PAPPA2: variants seen among roughly 807,000 people sequenced by gnomAD.
PAPPA2 encodes pappalysin 2, also known as pappalysin-2.
A neutral mutation model predicts 176.4 loss-of-function variants in PAPPA2; 86 were observed. The observed-to-expected ratio is 0.49, with a 90% CI of 0.41 to 0.58. PAPPA2 has a LOEUF of 0.58. PAPPA2 is among the 20% of genes least tolerant of loss of function. The probability of loss-of-function intolerance (pLI) is 0.00; values close to 1 mark genes in which losing one functional copy is unlikely to be tolerated. For synonymous variants in PAPPA2, 809 were observed against 852.2 expected (o/e 0.95, Z 0.88); for missense variants, 2,073 against 2,256.9 (o/e 0.92, Z 1.65).
chr1:176,562,451 A>T (rs1033997176), intron 2 of PAPPA2, among the ~76,000 whole-genome samples: 1 of 152,162 alleles, frequency 6.6e-6, no homozygotes, highest in African/African-American at 2.4e-5. Context: ...ACAAATCTAT[A>T]CTTTTCCCAG....
rs563606602 is a variant in PAPPA2, at chr1:176,806,208, T to C, written c.5202+6076T>C. Among the ~76,000 whole-genome samples the C allele has an allele frequency of 1.1e-4, 16 of 152,308 alleles. No individual in the cohort carries two copies. In the South Asian group the frequency reaches 1.2e-3, roughly 12 times the overall value. On this transcript the variant is annotated intron_variant, in intron 21 of 22. Transcript: ENST00000367662. Reference sequence around the variant, plus strand: ...TCTCTAAATTCAATGCATACCTTTGTAGATGCCTATTGTCTCATCTATCAC... The same window carrying C: ...TCTCTAAATTCAATGCATACCTTTGCAGATGCCTATTGTCTCATCTATCAC...
rs573550950 is a variant in PAPPA2, at chr1:176,768,815, C to T, written c.4324-792C>T. 3.3e-5 allele frequency among the ~76,000 whole-genome samples: 5 copies of T among 152,240 alleles called. No individual in the cohort carries two copies. In the South Asian group the frequency reaches 1.0e-3, roughly 32 times the overall value. Reference sequence around the variant, plus strand: ...GGCTAGAATCTCTCACATTTAACCACAAGGTTTGGAAGATGCCTTGTATGC... The same window carrying T: ...GGCTAGAATCTCTCACATTTAACCATAAGGTTTGGAAGATGCCTTGTATGC... On this transcript the variant is annotated intron_variant, in intron 15 of 22. Coordinates refer to ENST00000367662, the MANE Select transcript of PAPPA2 (RefSeq NM_020318.3).
intron 14 of PAPPA2, among the ~76,000 whole-genome samples, chr1:176,745,823 G>T (rs1662881929): frequency 6.6e-6 from 1 of 152,178 alleles, no homozygotes; most frequent in East Asian, 1.9e-4. Flanking sequence ...GAATGGGGCT[G>T]GTAGTCAGAA....
chr1:176,465,576 A>G (rs1352583179), intron 1 of PAPPA2, among the ~76,000 whole-genome samples: 2 of 151,784 alleles, frequency 1.3e-5, no homozygotes, highest in African/African-American at 4.8e-5. Context: ...TTTAATACAA[A>G]GTTACCTTTT....
intron 17 of PAPPA2, among the ~76,000 whole-genome samples, chr1:176,789,082 A>G (rs947734663): frequency 2.0e-5 from 3 of 152,194 alleles, no homozygotes; most frequent in Non-Finnish European, 4.4e-5. Flanking sequence ...TCCAAGATGA[A>G]GATCTCAGAG....
chr1:176,771,090 T>C lies in PAPPA2; in HGVS notation c.4625T>C (p.Leu1542Pro). The C allele has an allele frequency of 6.2e-7, 1 of 1,614,118 alleles. No homozygotes were observed. Among genetic ancestry groups the C allele is most frequent in the Non-Finnish European group, 8.5e-7 (1 of 1,180,008 alleles). ...GCCAACTTGCTCCTGCCTCACTGCC[T>C]CCAGGACAACCACGACGTGGGCACC... ...LNANLLLPHC[L>P]QDNHDVGTIC... The change falls in exon 17 of 23, where the codon CTC (leucine) becomes CCC (proline). Residue 1542 changes from leucine (L) to proline (P), a missense_variant. Around this residue, in one of 4 missense-constraint regions of PAPPA2, gnomAD observed 846 missense variants for 857.9 expected, o/e 0.99. Transcript: ENST00000367662.
chr1:176,574,462 C>A (rs1164547345), intron 2 of PAPPA2, among the ~76,000 whole-genome samples: 14 of 151,998 alleles, frequency 9.2e-5, no homozygotes, highest in Admixed American at 6.6e-5. Context: ...TCTAGCCCCA[C>A]CATTTGATTT....
intron 12 of PAPPA2, among the ~76,000 whole-genome samples, chr1:176,726,259 C>G (rs545188514): frequency 6.6e-6 from 1 of 152,302 alleles, no homozygotes; most frequent in Admixed American, 6.5e-5. Context: ...CTCCTGAGCC[C>G]CAGGTGGTAT....
chr1:176,800,666 C>T (rs538440882), intron 21 of PAPPA2, among the ~76,000 whole-genome samples: 2 of 152,234 alleles, frequency 1.3e-5, no homozygotes, highest in East Asian at 1.9e-4. Flanking sequence ...AGCTGGCAAC[C>T]GTGATGACAA....
At chr1:176,657,601 G>T (rs1289302499) in intron 3 of PAPPA2, among the ~76,000 whole-genome samples, 1 of 152,004 alleles carries the variant, frequency 6.6e-6, no homozygotes, top group Non-Finnish European at 1.5e-5. Context: ...ATTGAATGTG[G>T]TGTAGTCAGG....
intron 2 of PAPPA2, among the ~76,000 whole-genome samples, chr1:176,560,504 T>A (rs2102597220): frequency 6.6e-6 from 1 of 152,244 alleles, no homozygotes; most frequent in Admixed American, 6.5e-5. Context: ...AACCAAGGTG[T>A]AGGAGAGGAC....
chr1:176,710,840 G>T (rs1023823358), intron 11 of PAPPA2, among the ~76,000 whole-genome samples: 8 of 152,140 alleles, frequency 5.3e-5, no homozygotes, highest in Non-Finnish European at 1.2e-4. Context: ...TGAGGAGCCA[G>T]CTAAGGTTGA....
intron 2 of PAPPA2, among the ~76,000 whole-genome samples, chr1:176,591,189 C>T (rs1241196152): frequency 1.3e-5 from 2 of 151,856 alleles, no homozygotes; most frequent in African/African-American, 4.8e-5. Flanking sequence ...TCTGAGGACT[C>T]TTATAATGAA....
At chr1:176,827,130 T>C (rs991612876) in intron 21 of PAPPA2, among the ~76,000 whole-genome samples, 1 of 152,258 alleles carries the variant, frequency 6.6e-6, no homozygotes, top group Non-Finnish European at 1.5e-5. Context: ...TTCCATATTA[T>C]GGACAGCCAG....
chr1:176,587,346 TG>T (rs1168988082), intron 2 of PAPPA2, among the ~76,000 whole-genome samples: 1 of 152,198 alleles, frequency 6.6e-6, no homozygotes, highest in Non-Finnish European at 1.5e-5. Flanking sequence ...TTGCCATTTT[TG>T]TCATGAAGTC....
chr1:176,756,703 ACT>A (rs1289562831), intron 14 of PAPPA2, among the ~76,000 whole-genome samples: 12 of 151,448 alleles, frequency 7.9e-5, no homozygotes, highest in Admixed American at 3.3e-4. Flanking sequence ...TGTAGATAAG[ACT>A]CTTATTATTA....
At chr1:176,570,582 A>G (rs950431733) in intron 2 of PAPPA2, among the ~76,000 whole-genome samples, 2 of 151,840 alleles carry the variant, frequency 1.3e-5, no homozygotes, top group Non-Finnish European at 2.9e-5. Flanking sequence ...AATACAACCC[A>G]TGGCATGGAT....
chr1:176,513,013 A>G (rs1263481937), intron 1 of PAPPA2, among the ~76,000 whole-genome samples: 1 of 152,178 alleles, frequency 6.6e-6, no homozygotes, highest in Non-Finnish European at 1.5e-5. Flanking sequence ...GAAGGATTAC[A>G]TGAAGGACCA....
intron 11 of PAPPA2, among the ~76,000 whole-genome samples, chr1:176,710,694 A>G (rs886774978): frequency 7.9e-5 from 12 of 152,172 alleles, no homozygotes; most frequent in Admixed American, 7.2e-4. Flanking sequence ...AGATGCTTTT[A>G]TTGTGAAATA....
Sources: gnomAD v4.1 joint callset for allele counts (sites outside exome capture counted in the v4.1 genomes callset) on GRCh38, gnomAD v4.1.1 for gene constraint, gnomAD v4.1.1 regional missense constraint, MANE v1.5 for transcripts, NCBI Gene and HGNC (gene_info 2026-07-23, HGNC 2026-07-21) for gene names.